Variants in OARD1 observed in about 807,000 individuals in gnomAD.
OARD1 encodes ADP-ribose glycohydrolase OARD1.
A neutral mutation model predicts 19.7 loss-of-function variants in OARD1; 19 were observed. The ratio of observed to expected loss-of-function variants is 0.96; its 90% CI spans 0.67 to 1.41. The LOEUF (loss-of-function observed/expected upper bound fraction) is 1.41, where lower values mean the gene tolerates loss of function less well. Among genes scored for constraint, OARD1 ranks in the 40% most tolerant of loss-of-function variants. OARD1 has a pLI of 0.00. For missense variants in OARD1, 190 were observed against 183.8 expected (o/e 1.03, Z -0.20); for synonymous variants, 70 against 61.8 (o/e 1.13, Z -0.62).
At position 41,079,219 on chromosome 6, in the gene OARD1, A is replaced by G. The variant is rs1167034765; in HGVS notation, c.-41-7544T>C. On this transcript the variant is annotated intron_variant, in intron 1 of 4. Transcript: ENST00000480585. ...CAGCAATGAAACTGATAACAGCACC[A>G]CTCAATTGGTTGGTCTATTGCCCTG... 3.3e-6 allele frequency: 5 copies of G among 1,528,930 alleles called. No homozygotes were observed. In the African/African-American group the frequency reaches 5.5e-5, roughly 17 times the overall value. 94.7% of individuals were successfully genotyped at this position (1,528,930 alleles called of 1,614,324 possible).
At chr6:41,076,411 G>A (rs1763734129), upstream of OARD1, among the ~76,000 whole-genome samples, 1 of 152,206 alleles carries the variant, frequency 6.6e-6, no homozygotes, top group Non-Finnish European at 1.5e-5. Context: ...AAGTTAAAAA[G>A]CTACTGTTCT....
intron 3 of OARD1, 75 bp downstream of exon 3, chr6:41,071,057 A>G (rs763478251): frequency 2.8e-6 from 4 of 1,424,138 alleles, no homozygotes; most frequent in South Asian, 1.1e-5. Flanking sequence ...CTTTACACGC[A>G]TATTTTATTA....
In OARD1 at chr6:41,067,119, T is replaced by C. The variant is rs11280; in HGVS notation, c.*216A>G. On this transcript the variant is annotated 3_prime_UTR_variant, in exon 6 of 6. Coordinates refer to ENST00000424266, the MANE Select transcript of OARD1 (RefSeq NM_001329686.2). ...CCTATTATCAAGCCACCTAACTCCT[T>C]ACTTTTCCACAAAAAAACACAACCA... The C allele has an allele frequency of 0.27, 88,303 of 329,912 alleles. 13,186 individuals are homozygous for C. Among genetic ancestry groups the C allele is most frequent in the African/African-American group, 0.45 (21,435 of 47,302 alleles). The allele number at this position is 329,912 out of a possible 1,614,324, so 20.4% of individuals were successfully genotyped here.
At chr6:41,083,262 T>C (rs780669254) in intron 1 of OARD1, among the ~76,000 whole-genome samples, 24 of 152,230 alleles carry the variant, frequency 1.6e-4, no homozygotes, top group African/African-American at 4.6e-4. Flanking sequence ...TGTTTACTCA[T>C]AGGAGCTTGA....
At chr6:41,075,185 C>T (rs192556608), upstream of OARD1, 2 of 152,240 alleles carry the variant, frequency 1.3e-5, no homozygotes, top group East Asian at 3.9e-4. Context: ...GCCTTTGGAA[C>T]GTTTTTTTGT....
intron 1 of OARD1, among the ~76,000 whole-genome samples, chr6:41,078,784 C>T (rs968538514): frequency 6.6e-6 from 1 of 152,148 alleles, no homozygotes; most frequent in African/African-American, 2.4e-5. Context: ...AAGTATTGCT[C>T]TGACAGTATT....
chr6:41,097,295 G>A, intron 1 of OARD1: 1 of 1,477,420 alleles, frequency 6.8e-7, no homozygotes. Flanking sequence ...TAAGTAGTGA[G>A]AGCCATGAGT....
At chr6:41,094,256 A>G (rs1037508670) in intron 1 of OARD1, 10 of 654,484 alleles carry the variant, frequency 1.5e-5, no homozygotes, top group Admixed American at 2.7e-5. Context: ...CAAAGCTTCC[A>G]TCGTCATTCT....
intron 1 of OARD1, among the ~76,000 whole-genome samples, chr6:41,085,225 C>G (rs1764012665): frequency 6.6e-6 from 1 of 152,194 alleles, no homozygotes; most frequent in South Asian, 2.1e-4. Flanking sequence ...AGAATCTGTC[C>G]TATAGGAAGA....
At chr6:41,081,351 A>G (rs1042953527) in intron 1 of OARD1, among the ~76,000 whole-genome samples, 6 of 152,248 alleles carry the variant, frequency 3.9e-5, no homozygotes, top group Middle Eastern at 3.4e-3. Flanking sequence ...TTAGCCGGGC[A>G]TGGTGGCGGG....
chr6:41,084,612 ATC>A (rs1763991830), intron 1 of OARD1, among the ~76,000 whole-genome samples: 1 of 152,254 alleles, frequency 6.6e-6, no homozygotes, highest in African/African-American at 2.4e-5. Context: ...AAACAGGTAA[ATC>A]CAGTTGAAAC....
chr6:41,088,684 A>C (rs1350163575), intron 1 of OARD1, among the ~76,000 whole-genome samples: 1 of 151,550 alleles, frequency 6.6e-6, no homozygotes, highest in African/African-American at 2.4e-5. Context: ...TCCCAGGCTC[A>C]AATGATCCTC....
upstream of OARD1, chr6:41,075,752 G>A (rs1170529977): frequency 6.9e-6 from 1 of 145,510 alleles, no homozygotes; most frequent in Admixed American, 6.8e-5. Context: ...TTTAAGCCTT[G>A]TTGATTTATC....
chr6:41,090,821 A>G (rs1175657241), intron 1 of OARD1, among the ~76,000 whole-genome samples: 5 of 152,388 alleles, frequency 3.3e-5, no homozygotes, highest in Non-Finnish European at 7.3e-5. Context: ...AACATAAATA[A>G]TAGATGTTTG....
intron 4 of OARD1, 163 bp from the exon 5 acceptor site, chr6:41,069,116 G>C: frequency 4.4e-6 from 2 of 457,954 alleles, no homozygotes; most frequent in Non-Finnish European, 7.7e-6. Context: ...ACACTGTTAT[G>C]GGAGACCTTC....
chr6:41,071,458 T>C, intron 2 of OARD1, 138 bp downstream of exon 2: 1 of 992,700 alleles, frequency 1.0e-6, no homozygotes, highest in Non-Finnish European at 1.6e-6. Context: ...CTGCCTAGAA[T>C]TTTGAGCCTT....
At chr6:41,093,797 T>C (rs1582036922) in intron 1 of OARD1, among the ~76,000 whole-genome samples, 1 of 152,228 alleles carries the variant, frequency 6.6e-6, no homozygotes, top group East Asian at 1.9e-4. Context: ...AAGGAAACTT[T>C]GAAGAAGTTG....
At chr6:41,090,260 G>C (rs1359571684) in intron 1 of OARD1, 2 of 1,614,002 alleles carry the variant, frequency 1.2e-6, no homozygotes, top group Non-Finnish European at 1.7e-6. Flanking sequence ...CTGAAGGGCA[G>C]ACCATCGTCT....
chr6:41,078,619 A>G (rs1341307015), intron 1 of OARD1, among the ~76,000 whole-genome samples: 4 of 152,220 alleles, frequency 2.6e-5, no homozygotes, highest in African/African-American at 9.7e-5. Flanking sequence ...TGCCTACCAT[A>G]TGTAGTGGAC....
Sources: gnomAD v4.1 joint callset for allele counts (sites outside exome capture counted in the v4.1 genomes callset) on GRCh38, gnomAD v4.1.1 for gene constraint, MANE v1.5 for transcripts, NCBI Gene and HGNC (gene_info 2026-07-23, HGNC 2026-07-21) for gene names.